Variants in GPM6A observed in about 807,000 individuals in gnomAD.
The protein encoded by GPM6A is glycoprotein M6A.
A neutral mutation model predicts 32.1 loss-of-function variants in GPM6A; 7 were observed. The observed-to-expected ratio is 0.22, with a 90% confidence interval of 0.12 to 0.41. The LOEUF is 0.41. Among genes scored for constraint, GPM6A ranks in the 10% least tolerant of loss-of-function variants. GPM6A has a pLI of 1.00. For missense variants in GPM6A, 235 were observed against 347.2 expected (o/e 0.68, Z 2.57); for synonymous variants, 130 against 123.4 (o/e 1.05, Z -0.35).
chr4:175,929,914 C>T (rs1011816270), intron 1 of GPM6A, among the ~76,000 whole-genome samples: 1 of 152,052 alleles, frequency 6.6e-6, no homozygotes, highest in African/African-American at 2.4e-5. Context: ...TACATCACAG[C>T]CTTGTACCTG....
At chr4:175,682,387 G>GA (rs199705522) in intron 2 of GPM6A, among the ~76,000 whole-genome samples, 1 of 151,330 alleles carries the variant, frequency 6.6e-6, no homozygotes, top group African/African-American at 2.4e-5. Context: ...GTGGCAAGAG[G>GA]AAAAAAAAAG....
intron 1 of GPM6A, among the ~76,000 whole-genome samples, chr4:175,765,232 C>G (rs1732916848): frequency 1.3e-5 from 2 of 152,050 alleles, no homozygotes; most frequent in African/African-American, 4.8e-5. Context: ...AGTCCATCTT[C>G]AAATCATATG....
chr4:175,637,124 T>C (rs1352296679), intron 6 of GPM6A, among the ~76,000 whole-genome samples: 92 of 98,514 alleles, frequency 9.3e-4, no homozygotes, highest in Admixed American at 2.3e-3. Flanking sequence ...TGATATATAA[T>C]ATATAATATA....
chr4:175,760,863 G>A (rs925666283), intron 1 of GPM6A, among the ~76,000 whole-genome samples: 4 of 152,016 alleles, frequency 2.6e-5, no homozygotes, highest in Non-Finnish European at 5.9e-5. Context: ...AATATAAACA[G>A]TAATAATAGA....
chr4:175,945,669 ATATGT>A (rs1406462263), intron 1 of GPM6A, among the ~76,000 whole-genome samples: 5 of 143,244 alleles, frequency 3.5e-5, no homozygotes, highest in East Asian at 2.0e-4. Context: ...AAGTTATAAT[ATATGT>A]TATAAGTAAT....
intron 1 of GPM6A, among the ~76,000 whole-genome samples, chr4:175,967,321 C>G (rs1257506489): frequency 2.0e-5 from 3 of 152,136 alleles, no homozygotes; most frequent in Non-Finnish European, 4.4e-5. Context: ...GAAAAATCTA[C>G]ACTTAATATC....
At chr4:175,996,327 G>A (rs2126469533) in intron 1 of GPM6A, among the ~76,000 whole-genome samples, 1 of 152,258 alleles carries the variant, frequency 6.6e-6, no homozygotes, top group East Asian at 1.9e-4. Flanking sequence ...AAAGTATGGT[G>A]AAACCCCTAG....
rs182940332 is a variant in GPM6A at position 175,971,505 on chromosome 4, C to T, written c.-23+30804G>A. 2.5e-3 allele frequency among the ~76,000 whole-genome samples: 380 copies of T among 152,248 alleles called. 2 individuals carry two copies. The highest frequency in any genetic ancestry group is 8.6e-3 in the African/African-American group (359 of 41,538). ...GAACCAAACACATTCAACAGAATGA[C>T]ATCCAGCAACTCCTCTCCCTAAATT... is the stretch of plus-strand genomic sequence containing the variant. On this transcript the variant is annotated intron_variant, in intron 1 of 7. Transcript: ENST00000280187.
intron 1 of GPM6A, among the ~76,000 whole-genome samples, chr4:175,745,119 TA>T (rs1732049396): frequency 6.6e-6 from 1 of 151,974 alleles, no homozygotes; most frequent in Non-Finnish European, 1.5e-5. Context: ...AGTATCATGA[TA>T]AAAAATCAGA....
At chr4:175,954,692 G>A (rs924713511) in intron 1 of GPM6A, among the ~76,000 whole-genome samples, 4 of 152,204 alleles carry the variant, frequency 2.6e-5, no homozygotes, top group South Asian at 4.1e-4. Flanking sequence ...GGTTGCACCC[G>A]TGTCTTAGCC....
chr4:175,639,925 T>C (rs1244749142), intron 6 of GPM6A, among the ~76,000 whole-genome samples: 1 of 152,164 alleles, frequency 6.6e-6, no homozygotes, highest in African/African-American at 2.4e-5. Context: ...TTTGTTAATG[T>C]TCTCAATATG....
chr4:175,673,003 G>A (rs979776412), intron 3 of GPM6A, among the ~76,000 whole-genome samples: 10 of 152,092 alleles, frequency 6.6e-5, no homozygotes, highest in Non-Finnish European at 1.3e-4. Flanking sequence ...GACACATGTT[G>A]TTACATAACA....
chr4:175,888,654 T>C (rs1040353599), intron 1 of GPM6A, among the ~76,000 whole-genome samples: 4 of 152,142 alleles, frequency 2.6e-5, no homozygotes, highest in Non-Finnish European at 5.9e-5. Context: ...AAGACTTTAC[T>C]GAGAAAATTT....
intron 1 of GPM6A, among the ~76,000 whole-genome samples, chr4:175,841,436 AAAATATTAAG>A (rs1441571102): frequency 1.3e-5 from 2 of 152,170 alleles, no homozygotes; most frequent in Non-Finnish European, 2.9e-5. Context: ...CCTATTGGGA[AAAATATTAAG>A]AAATATGGTA....
At chr4:175,742,345 C>A (rs1180677813) in intron 1 of GPM6A, among the ~76,000 whole-genome samples, 1 of 152,020 alleles carries the variant, frequency 6.6e-6, no homozygotes, top group East Asian at 1.9e-4. Flanking sequence ...AAATGGCTCG[C>A]CTGCTTAAAA....
chr4:175,676,471 G>A (rs534001075), intron 2 of GPM6A, among the ~76,000 whole-genome samples: 19 of 152,320 alleles, frequency 1.2e-4, no homozygotes, highest in South Asian at 6.2e-4. Flanking sequence ...TGAATTGGGT[G>A]GGGGCAGTGG....
chr4:175,654,894 C>A (rs1374483729), intron 3 of GPM6A, among the ~76,000 whole-genome samples: 1 of 152,088 alleles, frequency 6.6e-6, no homozygotes. Context: ...AATCAGCATC[C>A]TTTTGGTTGC....
chr4:175,673,420 A>G (rs925757059), intron 3 of GPM6A, among the ~76,000 whole-genome samples: 1 of 151,858 alleles, frequency 6.6e-6, no homozygotes, highest in Non-Finnish European at 1.5e-5. Context: ...GAAAAAAAAA[A>G]CCATACATCA....
At chr4:175,661,339 C>A (rs1244745235) in intron 3 of GPM6A, among the ~76,000 whole-genome samples, 1 of 151,032 alleles carries the variant, frequency 6.6e-6, no homozygotes, top group Admixed American at 6.6e-5. Flanking sequence ...GGAGGCTGAG[C>A]CAGGAGAATC....
Sources: allele counts gnomAD v4.1 joint callset (sites outside exome capture counted in the v4.1 genomes callset), GRCh38; gene constraint gnomAD v4.1.1; transcripts MANE v1.5; gene names NCBI Gene and HGNC (gene_info 2026-07-23, HGNC 2026-07-21).